DYNC2H1: variants seen among roughly 807,000 people sequenced by gnomAD.
DYNC2H1 encodes the protein dynein cytoplasmic 2 heavy chain 1.
In DYNC2H1, 410 loss-of-function variants were observed where a neutral mutation model predicts 570.0. The observed-to-expected ratio is 0.72, with a 90% CI of 0.66 to 0.78. The LOEUF is 0.78. Among genes scored for constraint, DYNC2H1 ranks in the 30% least tolerant of loss-of-function variants. The pLI, the probability that DYNC2H1 is intolerant of heterozygous loss-of-function variation, is 0.00. For synonymous variants in DYNC2H1, 1,688 were observed against 1,677.6 expected, an observed-to-expected ratio of 1.01 and a Z score of -0.15; for missense variants, 4,865 against 5,046.4, an observed-to-expected ratio of 0.96 and a Z score of 1.09.
chr11:103,287,402 A>T, intron 74 of DYNC2H1, 131 bp from the exon 75 acceptor site: 2 of 723,092 alleles, frequency 2.8e-6, no homozygotes, highest in Non-Finnish European at 2.3e-6. Context: ...AGCACAGTAA[A>T]TAATATGGAA....
In DYNC2H1 at chr11:103,369,986, C is replaced by A. The variant is rs1198768806; in HGVS notation, c.12156+11627C>A. Among the ~76,000 whole-genome samples, 1 of 152,178 alleles carries A rather than the reference C, an allele frequency of 6.6e-6. No homozygotes were observed. The highest frequency in any genetic ancestry group is 1.9e-4 in the East Asian group (1 of 5,174). On this transcript the variant is annotated intron_variant, in intron 83 of 88. Coordinates refer to ENST00000375735, the MANE Select transcript of DYNC2H1 (RefSeq NM_001377.3). The surrounding 1 kb of genome is among the most constrained non-coding windows in gnomAD (Gnocchi z 4.0). The stretch of plus-strand genomic sequence containing the variant: ...TCTTGCACATTAGGTAGAAGCTTGG[C>A]TACAGAGATAGGACACCAAAGAGGC...
intron 87 of DYNC2H1, among the ~76,000 whole-genome samples, chr11:103,466,516 G>A (rs1565624655): frequency 6.6e-6 from 1 of 152,062 alleles, no homozygotes; most frequent in Non-Finnish European, 1.5e-5. Context: ...CAAAGGATTA[G>A]TACTTAAAAC....
At chr11:103,470,620 G>A (rs2135854496) in intron 88 of DYNC2H1, among the ~76,000 whole-genome samples, 1 of 152,232 alleles carries the variant, frequency 6.6e-6, no homozygotes, top group Non-Finnish European at 1.5e-5. Context: ...CTGTGTCCAT[G>A]TGTTCTCATT....
intron 12 of DYNC2H1, among the ~76,000 whole-genome samples, chr11:103,128,398 T>C (rs1859100505): frequency 6.6e-6 from 1 of 152,102 alleles, no homozygotes; most frequent in Non-Finnish European, 1.5e-5. Flanking sequence ...TGGGATGCAA[T>C]TGATGGGGGT....
At chr11:103,115,060 C>T in intron 3 of DYNC2H1, 117 bp from the exon 4 acceptor site, 2 of 576,756 alleles carry the variant, frequency 3.5e-6, no homozygotes, top group South Asian at 5.5e-5. Context: ...ACCTATTTGA[C>T]CTCAGCTAGG....
chr11:103,364,612 TTTA>T (rs993901662), intron 83 of DYNC2H1, among the ~76,000 whole-genome samples: 12 of 151,414 alleles, frequency 7.9e-5, no homozygotes, highest in African/African-American at 2.2e-4. Context: ...TTTTTTTTTT[TTTA>T]AGCAGGTAGT....
chr11:103,366,487 A>G (rs1476431500), intron 83 of DYNC2H1, among the ~76,000 whole-genome samples: 1 of 152,180 alleles, frequency 6.6e-6, no homozygotes. Flanking sequence ...ATAGTTTATC[A>G]TTATTTTTTA....
intron 83 of DYNC2H1, among the ~76,000 whole-genome samples, chr11:103,366,803 T>C (rs1401709835): frequency 1.3e-5 from 2 of 152,156 alleles, no homozygotes; most frequent in African/African-American, 2.4e-5. Flanking sequence ...ATATAAACTA[T>C]TACTAATACA....
In DYNC2H1 at chr11:103,231,139, G is replaced by C. The variant is rs667819; in HGVS notation, c.9354-121G>C. On this transcript the variant is annotated intron_variant, in intron 59 of 88. Transcript: ENST00000375735. The stretch of plus-strand genomic sequence containing the variant: ...TTCAAATTAAATTCTAAGTAAAGGT[G>C]TTATAATACTGAGTTACTGACAGTT... The C allele has an allele frequency of 0.61, 312,917 of 513,908 alleles. 96,253 individuals carry two copies. Among genetic ancestry groups the C allele is most frequent in the Admixed American group, 0.7 (18,301 of 26,140 alleles). 31.8% of individuals were successfully genotyped at this position (513,908 alleles called of 1,614,324 possible).
In DYNC2H1 at chr11:103,120,518, C is replaced by T; in HGVS notation, c.1071C>T (p.Cys357=). The change falls in exon 7 of 89, where the codon TGC becomes TGT. Residue 357 remains cysteine, a synonymous_variant. Transcript: ENST00000375735. ...FLPASEEKII[C]LTRVFEPFTG... ...CTGCCAGTGAAGAGAAAATCATATGCCTCACTCGAGTATTTGAACCTTTTA... is the reference window on the plus strand; with the variant it reads ...CTGCCAGTGAAGAGAAAATCATATGTCTCACTCGAGTATTTGAACCTTTTA... 2 of 1,612,946 alleles carry T rather than the reference C, an allele frequency of 1.2e-6. No individual in the cohort carries two copies. Among genetic ancestry groups the T allele is most frequent in the South Asian group, 2.2e-5 (2 of 90,970 alleles).
chr11:103,304,314 A>G (rs1430838548), intron 76 of DYNC2H1, among the ~76,000 whole-genome samples: 2 of 152,154 alleles, frequency 1.3e-5, no homozygotes, highest in African/African-American at 4.8e-5. Flanking sequence ...TAGTTTATAC[A>G]TTAGGTCAAT....
chr11:103,452,030 CAT>C (rs944489998), intron 85 of DYNC2H1, among the ~76,000 whole-genome samples: 3 of 151,732 alleles, frequency 2.0e-5, no homozygotes, highest in Non-Finnish European at 4.4e-5. Flanking sequence ...TTTTTTTCCT[CAT>C]GTGAATTTTT....
intron 25 of DYNC2H1, 126 bp downstream of exon 25, chr11:103,155,627 C>A: frequency 1.1e-6 from 1 of 907,760 alleles, no homozygotes; most frequent in Non-Finnish European, 1.6e-6. Flanking sequence ...AAAAAGTAAA[C>A]AAACACAAAT....
At position 103,177,490 on chromosome 11, in the gene DYNC2H1, A is replaced by G; in HGVS notation, c.5875-66A>G. 6.7e-7 allele frequency: 1 copy of G among 1,501,438 alleles called. No homozygotes were observed. Among genetic ancestry groups the G allele is most frequent in the Non-Finnish European group, 8.9e-7 (1 of 1,118,510 alleles). 93.0% of individuals were successfully genotyped at this position (1,501,438 alleles called of 1,614,324 possible). Reference sequence around the variant, plus strand: ...TACACATTAGAACAAGTGTTACAGAATAAAAGCAGAACTAAGTATGATTGA... The same window carrying G: ...TACACATTAGAACAAGTGTTACAGAGTAAAAGCAGAACTAAGTATGATTGA... On this transcript the variant is annotated intron_variant, in intron 37 of 88. Coordinates refer to ENST00000375735, the MANE Select transcript of DYNC2H1 (RefSeq NM_001377.3). This position sits in a 1 kb window ranked among gnomAD's most constrained non-coding sequence, Gnocchi z 4.4.
chr11:103,229,832 A>G (rs1171919987), intron 59 of DYNC2H1, among the ~76,000 whole-genome samples: 1 of 152,170 alleles, frequency 6.6e-6, no homozygotes, highest in Non-Finnish European at 1.5e-5. Context: ...AGTGTCTATA[A>G]TATATTATTG....
At chr11:103,231,469 C>A in intron 60 of DYNC2H1, 123 bp downstream of exon 60, 1 of 526,302 alleles carries the variant, frequency 1.9e-6, no homozygotes, top group Non-Finnish European at 3.3e-6. Flanking sequence ...CTGTGGGACC[C>A]AGTAGTCTAT....
At chr11:103,452,458 C>G (rs1254103172) in intron 85 of DYNC2H1, among the ~76,000 whole-genome samples, 1 of 151,644 alleles carries the variant, frequency 6.6e-6, no homozygotes, top group East Asian at 1.9e-4. Flanking sequence ...TAACTGATTT[C>G]ATTGCTTATA....
chr11:103,329,602 T>C (rs1223985025), intron 82 of DYNC2H1, among the ~76,000 whole-genome samples: 1 of 152,186 alleles, frequency 6.6e-6, no homozygotes, highest in Non-Finnish European at 1.5e-5. Context: ...TTGTTATTAC[T>C]GATGTTAGAA....
rs765161926 is a variant in DYNC2H1 at position 103,163,742 on chromosome 11, G to T, written c.4611+595G>T. On this transcript the variant is annotated intron_variant, in intron 30 of 88. Transcript: ENST00000375735. The surrounding 1 kb of genome is among the most constrained non-coding windows in gnomAD (Gnocchi z 4.6). ...CCTGCGTTGTTTAATAGTTGGGCCA[G>T]ACTGTTACAGGTGTAGGTCATCAGG... is the stretch of plus-strand genomic sequence containing the variant. 6.6e-6 allele frequency among the ~76,000 whole-genome samples: 1 copy of T among 152,178 alleles called. No homozygotes were observed. Among genetic ancestry groups the T allele is most frequent in the African/African-American group, 2.4e-5 (1 of 41,442 alleles).
Sources: allele counts gnomAD v4.1 joint callset (sites outside exome capture counted in the v4.1 genomes callset), GRCh38; gene constraint gnomAD v4.1.1; non-coding constraint Gnocchi (gnomAD v3.1); transcripts MANE v1.5; gene names NCBI Gene and HGNC (gene_info 2026-07-23, HGNC 2026-07-21).